The following RNF6 variants were observed in gnomAD, a reference collection of about 807,000 sequenced individuals.
RNF6 encodes ring finger protein 6, also known as E3 ubiquitin-protein ligase RNF6.
Under a neutral mutation model 50.1 loss-of-function variants are expected in RNF6, and 21 were observed. The ratio of observed to expected loss-of-function variants is 0.42; its 90% CI spans 0.30 to 0.60. The LOEUF is 0.60. Ranked by LOEUF, RNF6 falls within the 20% of genes least tolerant of loss-of-function variation. The pLI is 0.20. For missense variants in RNF6, 698 were observed against 838.2 expected (o/e 0.83, Z 2.07); for synonymous variants, 255 against 291.8 (o/e 0.87, Z 1.29).
intron 5 of RNF6, among the ~76,000 whole-genome samples, chr13:26,153,160 G>GAAA (rs71080233): frequency 1.4e-5 from 2 of 146,170 alleles, no homozygotes; most frequent in East Asian, 4.0e-4. Flanking sequence ...CTCAAGAAAA[G>GAAA]AAAAAAAAAA....
chr13:26,209,162 T>C (rs1025540697), downstream of RNF6, among the ~76,000 whole-genome samples: 3 of 152,204 alleles, frequency 2.0e-5, no homozygotes, highest in African/African-American at 7.2e-5. Flanking sequence ...GGCATTATGG[T>C]AGACCCTGAA....
downstream of RNF6, among the ~76,000 whole-genome samples, chr13:26,211,001 C>G (rs903756020): frequency 6.6e-6 from 1 of 152,194 alleles, no homozygotes; most frequent in Non-Finnish European, 1.5e-5. Context: ...CTCTACGGAC[C>G]TGACATGGAA....
Position 26,214,805 on chromosome 13 carries a change from G to A in RNF6, c.1077C>T (p.Arg359=), listed in dbSNP as rs1566439851. 1 of 1,614,150 alleles carries A rather than the reference G, an allele frequency of 6.2e-7. No homozygotes were observed. Among genetic ancestry groups the A allele is most frequent in the East Asian group, 2.2e-5 (1 of 44,880 alleles). Residue 359 remains arginine (R), a synonymous_variant, in exon 5 of 5, where the codon CGC becomes CGT. Coordinates refer to ENST00000381588, the MANE Select transcript of RNF6 (RefSeq NM_005977.4). Reference sequence around the variant, plus strand: ...AGAATGGGGTATATGCAGTACCTCTGCGTTCTCGTTCTCTATCTTGCTCTA... The same window carrying A: ...AGAATGGGGTATATGCAGTACCTCTACGTTCTCGTTCTCTATCTTGCTCTA... ...VFLEQDRERE[R]RGTAYTPFSN...
At chr13:26,140,888 T>C (rs1870905453) in intron 5 of RNF6, among the ~76,000 whole-genome samples, 2 of 152,096 alleles carry the variant, frequency 1.3e-5, no homozygotes. Flanking sequence ...ACAATAGCTG[T>C]ACACACACAA....
chr13:26,197,140 A>G (rs1868697489), intron 5 of RNF6, among the ~76,000 whole-genome samples: 1 of 151,864 alleles, frequency 6.6e-6, no homozygotes, highest in African/African-American at 2.4e-5. Flanking sequence ...AAACTCTAAC[A>G]TGACTTCTGG....
upstream of RNF6, among the ~76,000 whole-genome samples, chr13:26,222,988 C>A (rs1204047169): frequency 1.3e-5 from 2 of 152,158 alleles, no homozygotes; most frequent in African/African-American, 4.8e-5. Context: ...GATTTTATTT[C>A]TGAGATGTGA....
intron 5 of RNF6, among the ~76,000 whole-genome samples, chr13:26,186,661 C>T (rs1363692967): frequency 6.6e-6 from 1 of 152,258 alleles, no homozygotes; most frequent in Admixed American, 6.5e-5. Context: ...CGCAGCGGCG[C>T]TATACCTTCG....
chr13:26,196,574 C>T (rs375894275), intron 5 of RNF6, among the ~76,000 whole-genome samples: 11 of 149,904 alleles, frequency 7.3e-5, no homozygotes, highest in East Asian at 3.9e-4. Flanking sequence ...CGGAGGTTGC[C>T]GTGAGCAGAG....
rs181466851 is a variant in RNF6 at position 26,181,748 on chromosome 13, A to G, written n.768+33726T>C. ...AGATAAAATGCTCCAATGCTTTTCT[A>G]TGCAACCATCTTCAGTTTTTGTGCT... On this transcript the variant is annotated intron_variant and non_coding_transcript_variant, in intron 5 of 5. Transcript: ENST00000468480. Among the ~76,000 whole-genome samples, 40 of 152,320 alleles carry G rather than the reference A, an allele frequency of 2.6e-4. 1 individual carries two copies. In the East Asian group the frequency reaches 5.6e-3, roughly 21 times the overall value.
rs150612739 is a variant in RNF6, at chr13:26,179,890, C to T, written n.768+35584G>A. Among the ~76,000 whole-genome samples, 7 of 152,342 alleles carry T rather than the reference C, an allele frequency of 4.6e-5. No individual in the cohort carries two copies. The East Asian group carries it at 1.2e-3, about 25-fold the overall frequency. ...CCACAAGCAGGACATCCAGGCTGGC[C>T]TGAAGCAGAGTCTAGTCCAGGATCC... On this transcript the variant is annotated intron_variant and non_coding_transcript_variant, in intron 5 of 5. Coordinates refer to the RNF6 transcript ENST00000468480.
rs57251514 is a variant in RNF6 at position 26,196,636 on chromosome 13, A to AAAATAAAT, written n.768+18830_768+18837dup. ...TGACAGAGTGAGACTCTTTCTCCAA[A>AAAATAAAT]AAATAAATAAATAAATAAATAAATA... On this transcript the variant is annotated intron_variant and non_coding_transcript_variant, in intron 5 of 5. Coordinates refer to the RNF6 transcript ENST00000468480. 5.0e-3 allele frequency among the ~76,000 whole-genome samples: 759 copies of AAAATAAAT among 151,270 alleles called. 16 individuals carry two copies. Among genetic ancestry groups the AAAATAAAT allele is most frequent in the African/African-American group, 0.017 (695 of 40,888 alleles).
rs369147091 is a variant in RNF6, at chr13:26,175,253, G to A, written n.768+40221C>T. ...ACACCACCATGCCTGGCTAATTTTT[G>A]TAGATTTAGTAGAGACGGGGTTTGG... On this transcript the variant is annotated intron_variant and non_coding_transcript_variant, in intron 5 of 5. Transcript: ENST00000468480. Among the ~76,000 whole-genome samples the A allele has an allele frequency of 5.9e-4, 90 of 152,208 alleles. 1 individual carries two copies. The highest frequency in any genetic ancestry group is 2.2e-3 in the African/African-American group (90 of 41,540).
At chr13:26,173,532 GGATA>G (rs1243793983) in intron 5 of RNF6, among the ~76,000 whole-genome samples, 1 of 151,894 alleles carries the variant, frequency 6.6e-6, no homozygotes, top group Non-Finnish European at 1.5e-5. Flanking sequence ...TTTTGCTTAT[GGATA>G]GATAGATATA....
chr13:26,169,761 C>T (rs2137629806), intron 5 of RNF6, among the ~76,000 whole-genome samples: 1 of 152,250 alleles, frequency 6.6e-6, no homozygotes, highest in East Asian at 1.9e-4. Flanking sequence ...AAAATTACCT[C>T]CTGTCATGAA....
intron 5 of RNF6, among the ~76,000 whole-genome samples, chr13:26,147,275 G>A (rs1428588659): frequency 2.4e-4 from 36 of 152,150 alleles, no homozygotes; most frequent in Admixed American, 2.2e-3. Flanking sequence ...TTAGGGTCCC[G>A]ATGGGACTTA....
intron 5 of RNF6, among the ~76,000 whole-genome samples, chr13:26,199,890 T>C (rs1245012331): frequency 6.6e-6 from 1 of 152,106 alleles, no homozygotes; most frequent in East Asian, 1.9e-4. Flanking sequence ...AGTGGGGCCT[T>C]TGGGAGTTTA....
At position 26,215,504 on chromosome 13, in the gene RNF6, A is replaced by T. The variant is rs746962361; in HGVS notation, c.378T>A (p.Ser126Arg). Residue 126 changes from serine to arginine, a missense_variant, in exon 5 of 5, where the codon AGT (serine) becomes AGA (arginine). Ser to Arg is a moderately radical substitution (Grantham distance 110, BLOSUM62 -1). Coordinates refer to ENST00000381588, the MANE Select transcript of RNF6 (RefSeq NM_005977.4). ...TFRRTGNATRSGQNGNQTWRA... is the reference protein window; with the variant it reads ...TFRRTGNATRRGQNGNQTWRA... The stretch of plus-strand genomic sequence containing the variant: ...TCCAAGTTTGGTTCCCATTTTGTCC[A>T]CTTCGAGTTGCATTTCCTGTGCGCC... The T allele has an allele frequency of 8.1e-6, 13 of 1,613,822 alleles. No individual in the cohort carries two copies. In the East Asian group the frequency reaches 2.5e-4, roughly 30 times the overall value.
chr13:26,132,816 G>A (rs1403362672), intron 5 of RNF6, among the ~76,000 whole-genome samples: 1 of 152,204 alleles, frequency 6.6e-6, no homozygotes, highest in East Asian at 1.9e-4. Flanking sequence ...CAAGGATTTA[G>A]AACAGTGGTT....
intron 5 of RNF6, among the ~76,000 whole-genome samples, chr13:26,184,629 A>G (rs1463956900): frequency 6.6e-6 from 1 of 152,322 alleles, no homozygotes; most frequent in East Asian, 1.9e-4. Context: ...GATGTTACAG[A>G]GACGAACATT....
Sources: gnomAD v4.1 joint callset for allele counts (sites outside exome capture counted in the v4.1 genomes callset) on GRCh38, gnomAD v4.1.1 for gene constraint, MANE v1.5 for transcripts, NCBI Gene and HGNC (gene_info 2026-07-23, HGNC 2026-07-21) for gene names.